CDYL: variants seen among roughly 807,000 people sequenced by gnomAD.
CDYL encodes the protein chromodomain Y-like protein.
Under a neutral mutation model 47.3 loss-of-function variants are expected in CDYL, and 8 were observed. The ratio of observed to expected loss-of-function variants is 0.17; its 90% CI spans 0.10 to 0.31. CDYL has a LOEUF of 0.31. Among genes scored for constraint, CDYL ranks in the 10% least tolerant of loss-of-function variants. The probability of loss-of-function intolerance (pLI) is 1.00; values close to 1 mark genes in which losing one functional copy is unlikely to be tolerated. For synonymous variants in CDYL, 266 were observed against 265.0 expected, an observed-to-expected ratio of 1.00 and a Z score of -0.04; for missense variants, 471 against 701.4, an observed-to-expected ratio of 0.67 and a Z score of 3.71.
chr6:4,799,155 G>A (rs1581173856), intron 1 of CDYL, among the ~76,000 whole-genome samples: 2 of 152,122 alleles, frequency 1.3e-5, no homozygotes, highest in Non-Finnish European at 1.5e-5. Flanking sequence ...GGGTTGATTT[G>A]TGATTTCTTC....
intron 1 of CDYL, among the ~76,000 whole-genome samples, chr6:4,801,304 G>A (rs756838939): frequency 3.3e-5 from 5 of 152,032 alleles, no homozygotes; most frequent in Non-Finnish European, 5.9e-5. Flanking sequence ...TTTTTCAGAC[G>A]TTTTTGAAAT....
At chr6:4,933,095 C>T (rs939464492) in intron 2 of CDYL, among the ~76,000 whole-genome samples, 1 of 152,208 alleles carries the variant, frequency 6.6e-6, no homozygotes. Context: ...TTATTATTGC[C>T]TTCCTGCTTC....
intron 3 of CDYL, among the ~76,000 whole-genome samples, chr6:4,763,534 T>C (rs1758207513): frequency 6.6e-6 from 1 of 152,150 alleles, no homozygotes; most frequent in African/African-American, 2.4e-5. Flanking sequence ...AAAATAAAAG[T>C]ATTGGTATTA....
intron 1 of CDYL, among the ~76,000 whole-genome samples, chr6:4,777,875 T>C (rs1201008792): frequency 6.6e-6 from 1 of 152,206 alleles, no homozygotes; most frequent in Non-Finnish European, 1.5e-5. Flanking sequence ...AGAGCAAGTG[T>C]TTGCAGAAGT....
intron 2 of CDYL, among the ~76,000 whole-genome samples, chr6:4,900,468 AT>A (rs966843545): frequency 1.3e-5 from 2 of 151,538 alleles, no homozygotes; most frequent in Non-Finnish European, 2.9e-5. Context: ...ATGCATATAC[AT>A]TTTTTTCCTA....
At chr6:4,879,844 G>C (rs1186059424) in intron 1 of CDYL, among the ~76,000 whole-genome samples, 2 of 152,164 alleles carry the variant, frequency 1.3e-5, no homozygotes, top group Non-Finnish European at 2.9e-5. Context: ...ACAGGCATGA[G>C]CCACTGCACC....
intron 5 of CDYL, among the ~76,000 whole-genome samples, chr6:4,950,826 C>G (rs1002127007): frequency 6.6e-6 from 1 of 151,074 alleles, no homozygotes; most frequent in Non-Finnish European, 1.5e-5. Context: ...CAGCTACTCA[C>G]GAGGCTGAGG....
intron 3 of CDYL, among the ~76,000 whole-genome samples, chr6:4,770,078 C>G (rs1046556882): frequency 2.0e-5 from 3 of 151,874 alleles, no homozygotes; most frequent in African/African-American, 7.3e-5. Context: ...ACCTCGTGAT[C>G]CACCAGCCTT....
At chr6:4,731,767 G>A (rs7759132) in intron 2 of CDYL, among the ~76,000 whole-genome samples, 1,936 of 151,822 alleles carry the variant, frequency 0.013, 36 homozygotes, top group African/African-American at 0.044. Context: ...GTTGCAGTGA[G>A]CCAACATCGC....
At chr6:4,717,778 TTTTTTGG>T (rs1297777041) in intron 2 of CDYL, among the ~76,000 whole-genome samples, 1 of 151,384 alleles carries the variant, frequency 6.6e-6, no homozygotes, top group East Asian at 1.9e-4. Context: ...TTTGTTAGGT[TTTTTTGG>T]TTTTTGTTGT....
chr6:4,849,365 G>A (rs997616581), intron 1 of CDYL, among the ~76,000 whole-genome samples: 1 of 152,164 alleles, frequency 6.6e-6, no homozygotes, highest in African/African-American at 2.4e-5. Context: ...GAGTCTTTAT[G>A]AAAACATACC....
rs115954866 is a variant in CDYL, at chr6:4,728,885, T to G, written c.104-5877T>G. ...CTTCTCTACAATCCAGCTTTAACTA[T>G]TTGCACAGTTCCATGCCATTCCACT... On this transcript the variant is annotated intron_variant, in intron 2 of 8. Transcript: ENST00000328908. 2.4e-3 allele frequency among the ~76,000 whole-genome samples: 361 copies of G among 152,242 alleles called. 6 individuals carry two copies. The highest frequency in any genetic ancestry group is 8.3e-3 in the African/African-American group (346 of 41,516).
intron 3 of CDYL, among the ~76,000 whole-genome samples, chr6:4,755,944 G>T (rs984915517): frequency 6.6e-6 from 1 of 152,120 alleles, no homozygotes; most frequent in Non-Finnish European, 1.5e-5. Flanking sequence ...CTATGGTACC[G>T]TAATTCTCCT....
At chr6:4,825,865 A>G (rs11757978) in intron 1 of CDYL, among the ~76,000 whole-genome samples, 8,476 of 151,192 alleles carry the variant, frequency 0.056, 265 homozygotes, top group Middle Eastern at 0.099. Context: ...AAAAAAAAAA[A>G]AGAGAGTCAC....
chr6:4,751,144 T>C (rs1489519016), intron 3 of CDYL, among the ~76,000 whole-genome samples: 14 of 152,320 alleles, frequency 9.2e-5, no homozygotes, highest in South Asian at 4.1e-4. Flanking sequence ...CGTGAGCCAC[T>C]GCGCCTGGCC....
At chr6:4,895,839 A>G (rs1407515045) in intron 2 of CDYL, among the ~76,000 whole-genome samples, 1 of 152,198 alleles carries the variant, frequency 6.6e-6, no homozygotes, top group Non-Finnish European at 1.5e-5. Context: ...TTCCATTTAA[A>G]TGAGGATTTA....
rs1240442920 is a variant in CDYL at position 4,821,668 on chromosome 6, G to A, written c.24+44861G>A. ...GAATCACTTGAATAACTCGGGAGGCGGAGGTTGCAGTGAACTGAGATCACA... is the reference window on the plus strand; with the variant it reads ...GAATCACTTGAATAACTCGGGAGGCAGAGGTTGCAGTGAACTGAGATCACA... On this transcript the variant is annotated intron_variant, in intron 1 of 6. Coordinates refer to ENST00000397588, the MANE Select transcript of CDYL (RefSeq NM_004824.4). Among the ~76,000 whole-genome samples, 7 of 151,686 alleles carry A rather than the reference G, an allele frequency of 4.6e-5. No homozygotes were observed. The South Asian group carries it at 8.3e-4, about 18-fold the overall frequency.
chr6:4,917,916 T>C, intron 2 of CDYL, among the ~76,000 whole-genome samples: 1 of 152,204 alleles, frequency 6.6e-6, no homozygotes, highest in Non-Finnish European at 1.5e-5. Context: ...TTAGAACACA[T>C]TGGATGCAAT....
intron 1 of CDYL, among the ~76,000 whole-genome samples, chr6:4,816,649 T>C (rs565181112): frequency 5.0e-4 from 76 of 151,816 alleles, no homozygotes; most frequent in Non-Finnish European, 9.4e-4. Context: ...CCACCATGCC[T>C]GGCTAATTTT....
Sources: allele counts gnomAD v4.1 joint callset (sites outside exome capture counted in the v4.1 genomes callset), GRCh38; gene constraint gnomAD v4.1.1; transcripts MANE v1.5; gene names NCBI Gene and HGNC (gene_info 2026-07-23, HGNC 2026-07-21).